Variants in PCNT observed in about 807,000 individuals in gnomAD.
PCNT encodes the protein pericentrin, also known as kendrin.
Under a neutral mutation model 380.4 loss-of-function variants are expected in PCNT, and 319 were observed. The ratio of observed to expected loss-of-function variants is 0.84; its 90% CI spans 0.77 to 0.92. The LOEUF (loss-of-function observed/expected upper bound fraction) is 0.92, where lower values mean the gene tolerates loss of function less well. Ranked by LOEUF, PCNT falls within the 40% of genes least tolerant of loss-of-function variation. PCNT has a pLI of 0.00. For synonymous variants in PCNT, 1,845 were observed against 1,735.2 expected (o/e 1.06, Z -1.57); for missense variants, 4,400 against 4,255.3 (o/e 1.03, Z -0.95).
At chr21:46,333,777 T>G (rs2083633974) in intron 2 of PCNT, among the ~76,000 whole-genome samples, 1 of 148,072 alleles carries the variant, frequency 6.8e-6, no homozygotes, top group African/African-American at 2.5e-5. Context: ...GGTGGAGGTT[T>G]CAGTGAGCCG....
intron 19 of PCNT, among the ~76,000 whole-genome samples, chr21:46,390,429 GAGGA>G (rs976703263): frequency 6.6e-6 from 1 of 152,188 alleles, no homozygotes; most frequent in African/African-American, 2.4e-5. Flanking sequence ...GGAGTGTCTG[GAGGA>G]AGGGAGAGGG....
Position 46,363,655 on chromosome 21 carries a change from A to G in PCNT, c.2330A>G (p.Lys777Arg). Reference sequence around the variant, plus strand: ...TTGATGCTACTTGAACTGAGAGAAAAGGCTGAATCCGAGAAACAGACCATC... The same window carrying G: ...TTGATGCTACTTGAACTGAGAGAAAGGGCTGAATCCGAGAAACAGACCATC... ...LTLMLLELRE[K>R]AESEKQTIIN... The change falls in exon 14 of 47, where the codon AAG (lysine) becomes AGG (arginine). Residue 777 changes from lysine (K) to arginine (R), a missense_variant. By Grantham distance (26) the Lys-to-Arg change is conservative. Transcript: ENST00000359568. 6.2e-7 allele frequency: 1 copy of G among 1,614,264 alleles called. No individual in the cohort carries two copies. The highest frequency in any genetic ancestry group is 8.5e-7 in the Non-Finnish European group (1 of 1,180,058).
At chr21:46,434,062 G>A (rs531061424) in intron 38 of PCNT, among the ~76,000 whole-genome samples, 6 of 152,314 alleles carry the variant, frequency 3.9e-5, no homozygotes, top group Non-Finnish European at 7.3e-5. Context: ...ACAGGCGTGA[G>A]CCACTGTGCC....
At chr21:46,408,696 T>C (rs1601995342) in intron 27 of PCNT, among the ~76,000 whole-genome samples, 1 of 151,636 alleles carries the variant, frequency 6.6e-6, no homozygotes, top group African/African-American at 2.4e-5. Flanking sequence ...GTGGGGGAAA[T>C]GTTTGCTTAA....
Position 46,324,207 on chromosome 21 carries a change from G to C in PCNT, c.-22G>C, listed in dbSNP as rs756113233. On this transcript the variant is annotated 5_prime_UTR_variant, in exon 1 of 47. Coordinates refer to ENST00000359568, the MANE Select transcript of PCNT (RefSeq NM_006031.6). Reference sequence around the variant, plus strand: ...GTGTCAGCCCCGTCACCGCCGGGCGGCCCGCGCGGAGTCTGAGGGAGATGG... The same window carrying C: ...GTGTCAGCCCCGTCACCGCCGGGCGCCCCGCGCGGAGTCTGAGGGAGATGG... 2 of 1,605,468 alleles carry C rather than the reference G, an allele frequency of 1.2e-6. No individual in the cohort carries two copies. The highest frequency in any genetic ancestry group is 1.7e-6 in the Non-Finnish European group (2 of 1,175,656).
intron 25 of PCNT, 62 bp downstream of exon 25, chr21:46,399,858 C>T (rs2086362259): frequency 1.3e-5 from 18 of 1,420,706 alleles, no homozygotes; most frequent in South Asian, 3.5e-5. Flanking sequence ...ATGGCTTCAT[C>T]GCTGAGCTGG....
At chr21:46,372,701 A>C (rs1007023333) in intron 15 of PCNT, among the ~76,000 whole-genome samples, 4 of 152,122 alleles carry the variant, frequency 2.6e-5, no homozygotes, top group African/African-American at 9.7e-5. Flanking sequence ...GTGAAGAGGG[A>C]CTGCTCCTGA....
At position 46,403,210 on chromosome 21, in the gene PCNT, G is replaced by A. The variant is rs374531556; in HGVS notation, c.5115+727G>A. On this transcript the variant is annotated intron_variant, in intron 27 of 46. Coordinates refer to ENST00000359568, the MANE Select transcript of PCNT (RefSeq NM_006031.6). ...TGAATGAACACAGCGTGGGAGAATC[G>A]TGTGTGTGTGGTGCCCACGCGGCGC... 3.8e-4 allele frequency among the ~76,000 whole-genome samples: 48 copies of A among 125,214 alleles called. No homozygotes were observed. In the East Asian group the frequency reaches 5.6e-3, roughly 14 times the overall value. 82.1% of individuals were successfully genotyped at this position (125,214 alleles called of 152,430 possible).
chr21:46,440,724 G>A lies in PCNT; in HGVS notation c.9394-131G>A, dbSNP rs953349602. ...TGGCCACAGATACTGTTGGAAGGCC[G>A]ATGGCTCTGTGATGATTTGATGGGA... On this transcript the variant is annotated intron_variant, in intron 42 of 46. Coordinates refer to ENST00000359568, the MANE Select transcript of PCNT (RefSeq NM_006031.6). The A allele has an allele frequency of 1.3e-4, 68 of 543,204 alleles. 1 individual carries two copies. Among genetic ancestry groups the A allele is most frequent in the South Asian group, 6.1e-4 (35 of 57,704 alleles). The allele number at this position is 543,204 out of a possible 1,614,324, so 33.6% of individuals were successfully genotyped here.
chr21:46,412,478 G>A (rs1351650444), intron 28 of PCNT, among the ~76,000 whole-genome samples: 3 of 152,182 alleles, frequency 2.0e-5, no homozygotes, highest in Admixed American at 2.0e-4. Flanking sequence ...TTTGGAGCTG[G>A]AGGCCCTGTA....
chr21:46,415,289 C>T (rs1396950404), intron 29 of PCNT, among the ~76,000 whole-genome samples: 2 of 151,364 alleles, frequency 1.3e-5, no homozygotes, highest in East Asian at 3.9e-4. Context: ...TCGGGAAATA[C>T]ATCCTGTGTG....
At position 46,416,552 on chromosome 21, in the gene PCNT, C is replaced by T. The variant is rs144471022; in HGVS notation, c.6634C>T (p.Arg2212Trp). Residue 2212 changes from arginine to tryptophan, a missense_variant, in exon 30 of 47, where the codon CGG (arginine) becomes TGG (tryptophan). Arg to Trp is a moderately radical substitution (Grantham distance 101). Coordinates refer to ENST00000359568, the MANE Select transcript of PCNT (RefSeq NM_006031.6). ...HQSHTAEAGP[R>W]KSPVGMLDLS... ...GAGCCACACTGCAGAGGCTGGGCCC[C>T]GGAAGAGCCCGGTCGGGATGCTGGA... is the stretch of plus-strand genomic sequence containing the variant. 5.1e-3 allele frequency: 8,200 copies of T among 1,612,910 alleles called. 44 individuals carry two copies. The highest frequency in any genetic ancestry group is 4.9e-3 in the Non-Finnish European group (5,790 of 1,179,638).
In PCNT at chr21:46,346,831, A is replaced by C; in HGVS notation, c.809A>C (p.Gln270Pro). 6.2e-7 allele frequency: 1 copy of C among 1,607,032 alleles called. No individual in the cohort carries two copies. Among genetic ancestry groups the C allele is most frequent in the Non-Finnish European group, 8.5e-7 (1 of 1,177,396 alleles). The change falls in exon 5 of 47, where the codon CAG becomes CCG. Residue 270 changes from glutamine to proline, a missense_variant. Transcript: ENST00000359568. ...CTGGAGCTGACACAGGCCAACCTCC[A>C]GAAGGAGAAGGAGACGGCATTGACG... ...AQLELTQANL[Q>P]KEKETALTEL...
At chr21:46,360,207 T>C (rs2084655420) in intron 13 of PCNT, among the ~76,000 whole-genome samples, 1 of 139,386 alleles carries the variant, frequency 7.2e-6, no homozygotes, top group South Asian at 2.3e-4. Context: ...CAGCATATAG[T>C]TGGCAATTTT....
chr21:46,401,849 C>CTT, intron 26 of PCNT, 128 bp downstream of exon 26: 2 of 910,362 alleles, frequency 2.2e-6, no homozygotes, highest in Admixed American at 4.8e-5. Context: ...CTTTTCTTTT[C>CTT]TTTTTTTTGT....
chr21:46,353,667 TCTC>T (rs567264653), intron 10 of PCNT, among the ~76,000 whole-genome samples: 63 of 149,678 alleles, frequency 4.2e-4, no homozygotes, highest in Non-Finnish European at 7.7e-4. Context: ...GCAGGGGCGC[TCTC>T]CTCCAGGCAT....
At chr21:46,359,055 G>A (rs1434309303) in intron 13 of PCNT, among the ~76,000 whole-genome samples, 5 of 151,630 alleles carry the variant, frequency 3.3e-5, no homozygotes, top group Admixed American at 6.6e-5. Context: ...TGATCCACCC[G>A]CCTCAGCCTC....
At chr21:46,368,249 T>G (rs527899222) in intron 15 of PCNT, among the ~76,000 whole-genome samples, 60 of 152,092 alleles carry the variant, frequency 3.9e-4, no homozygotes, top group Non-Finnish European at 6.6e-4. Flanking sequence ...ATCGAGACCA[T>G]CCTGGCTAAC....
chr21:46,430,271 C>A (rs574155871), intron 36 of PCNT, 39 bp downstream of exon 36: 2 of 1,564,160 alleles, frequency 1.3e-6, no homozygotes, highest in Non-Finnish European at 1.8e-6. Flanking sequence ...TGGCGGGAGT[C>A]CCCCCGTTGT....
Sources: allele counts gnomAD v4.1 joint callset (sites outside exome capture counted in the v4.1 genomes callset), GRCh38; gene constraint gnomAD v4.1.1; transcripts MANE v1.5; gene names NCBI Gene and HGNC (gene_info 2026-07-23, HGNC 2026-07-21).